The following DGKG variants were observed in gnomAD, a reference collection of about 807,000 sequenced individuals.
DGKG encodes the protein diacylglycerol kinase gamma, also known as DAG kinase gamma.
DGKG carries 78 observed loss-of-function variants against 105.3 expected under a neutral mutation model. The ratio of observed to expected loss-of-function variants is 0.74; its 90% confidence interval spans 0.62 to 0.89. The LOEUF (loss-of-function observed/expected upper bound fraction) is 0.89. DGKG is among the 40% of genes least tolerant of loss of function. DGKG has a pLI of 0.00. For synonymous variants in DGKG, 346 were observed against 367.1 expected (o/e 0.94, Z 0.66); for missense variants, 958 against 1,020.1 (o/e 0.94, Z 0.83).
chr3:186,239,608 C>CA (rs1720578391), intron 20 of DGKG, among the ~76,000 whole-genome samples: 2 of 152,362 alleles, frequency 1.3e-5, no homozygotes, highest in Admixed American at 6.5e-5. Context: ...AGGGTAGAAG[C>CA]AGTATGTATG....
At chr3:186,305,176 G>C (rs1024107213) in intron 3 of DGKG, among the ~76,000 whole-genome samples, 1 of 152,206 alleles carries the variant, frequency 6.6e-6, no homozygotes, top group Non-Finnish European at 1.5e-5. Context: ...CAGGTGGTGA[G>C]AAGTACTTAG....
At chr3:186,264,096 A>G (rs892261908) in intron 14 of DGKG, among the ~76,000 whole-genome samples, 1 of 152,292 alleles carries the variant, frequency 6.6e-6, no homozygotes, top group South Asian at 2.1e-4. Flanking sequence ...ATCAGAACAG[A>G]TGCAAGACAA....
chr3:186,199,507 A>G (rs1718345698), intron 21 of DGKG, among the ~76,000 whole-genome samples: 1 of 152,018 alleles, frequency 6.6e-6, no homozygotes, highest in Non-Finnish European at 1.5e-5. Context: ...CAATGTCAGT[A>G]TTTGTATTCC....
intron 21 of DGKG, among the ~76,000 whole-genome samples, chr3:186,190,657 C>G (rs970911932): frequency 7.2e-5 from 11 of 152,164 alleles, no homozygotes; most frequent in African/African-American, 2.7e-4. Flanking sequence ...CATTCTGAAC[C>G]TGTGTAGATT....
chr3:186,280,560 AGAT>A, intron 8 of DGKG, 107 bp downstream of exon 8: 1 of 790,084 alleles, frequency 1.3e-6, no homozygotes, highest in Non-Finnish European at 2.1e-6. Context: ...GCCTATAAGA[AGAT>A]GAGTCTGGGA....
intron 11 of DGKG, 29 bp downstream of exon 11, chr3:186,272,226 A>G (rs774976247): frequency 4.6e-6 from 7 of 1,536,606 alleles, no homozygotes; most frequent in Non-Finnish European, 6.3e-6. Context: ...TGAGGCATGC[A>G]GTAGAACAAG....
At chr3:186,168,732 C>T (rs1716676330) in intron 22 of DGKG, among the ~76,000 whole-genome samples, 1 of 152,114 alleles carries the variant, frequency 6.6e-6, no homozygotes, top group Non-Finnish European at 1.5e-5. Flanking sequence ...TGCCTGTAAT[C>T]CCAGCTATTT....
intron 24 of DGKG, among the ~76,000 whole-genome samples, chr3:186,154,604 C>T (rs1578596518): frequency 7.3e-6 from 1 of 136,734 alleles, no homozygotes; most frequent in East Asian, 2.2e-4. Flanking sequence ...GAGATCGTGC[C>T]ATTGCACTCC....
rs1293647560 is a variant in DGKG, at chr3:186,149,932, C to T, written c.*158G>A. On this transcript the variant is annotated 3_prime_UTR_variant, in exon 25 of 25. Transcript: ENST00000265022. ...TGAAACAGAATGTATGGCAAGGTGA[C>T]GTTTTCTTCCCGAAGGGTGGCTTTG... is the stretch of plus-strand genomic sequence containing the variant. The T allele has an allele frequency of 1.2e-5, 17 of 1,421,714 alleles. No individual in the cohort carries two copies. The highest frequency in any genetic ancestry group is 2.1e-4 in the Middle Eastern group (1 of 4,834). 88.1% of individuals were successfully genotyped at this position (1,421,714 alleles called of 1,614,324 possible).
intron 16 of DGKG, among the ~76,000 whole-genome samples, chr3:186,258,386 C>T (rs2108570159): frequency 6.6e-6 from 1 of 152,204 alleles, no homozygotes; most frequent in South Asian, 2.1e-4. Flanking sequence ...GGAGTGATGC[C>T]CTTCTCTTCT....
intron 1 of DGKG, among the ~76,000 whole-genome samples, chr3:186,338,185 A>AAG (rs1560162372): frequency 1.3e-5 from 2 of 151,366 alleles, no homozygotes; most frequent in African/African-American, 4.9e-5. Flanking sequence ...AAAAAAAAAA[A>AAG]AAAGAAAGAA....
intron 9 of DGKG, among the ~76,000 whole-genome samples, chr3:186,277,202 T>C (rs1156341672): frequency 3.3e-5 from 5 of 152,384 alleles, no homozygotes; most frequent in South Asian, 2.1e-4. Context: ...AAGAATTAAA[T>C]GACATCATGT....
intron 2 of DGKG, among the ~76,000 whole-genome samples, chr3:186,318,253 C>T (rs540181286): frequency 7.9e-5 from 12 of 152,294 alleles, no homozygotes; most frequent in Non-Finnish European, 1.6e-4. Flanking sequence ...ATGTCCTCCT[C>T]ATTTTCTGTG....
At chr3:186,223,679 C>G (rs963346771) in intron 20 of DGKG, among the ~76,000 whole-genome samples, 1 of 152,138 alleles carries the variant, frequency 6.6e-6, no homozygotes, top group Non-Finnish European at 1.5e-5. Context: ...TGCGGTAGAC[C>G]CTGCCAGCAA....
intron 7 of DGKG, among the ~76,000 whole-genome samples, chr3:186,281,774 A>C (rs1398501452): frequency 6.6e-6 from 1 of 152,212 alleles, no homozygotes; most frequent in Non-Finnish European, 1.5e-5. Context: ...TCCAAGATTT[A>C]AAGAGAAAAC....
chr3:186,150,318 TGAACGG>T, intron 24 of DGKG, 130 bp from the exon 25 acceptor site: 1 of 1,246,214 alleles, frequency 8.0e-7, no homozygotes, highest in Non-Finnish European at 1.1e-6. Context: ...CAACTGTCCT[TGAACGG>T]CTTCAAAATT....
intron 24 of DGKG, among the ~76,000 whole-genome samples, chr3:186,153,192 C>A (rs1306930970): frequency 6.6e-6 from 1 of 152,026 alleles, no homozygotes; most frequent in Non-Finnish European, 1.5e-5. Context: ...GATTCTATTA[C>A]TATAGAACCG....
chr3:186,306,717 A>T, intron 3 of DGKG, 184 bp downstream of exon 3: 1 of 581,482 alleles, frequency 1.7e-6, no homozygotes, highest in Non-Finnish European at 3.1e-6. Context: ...GGACAGTGGA[A>T]TGAGTGTATG....
rs372718536 is a variant in DGKG at position 186,284,842 on chromosome 3, C to T, written c.545-133G>A. The T allele has an allele frequency of 4.0e-4, 283 of 711,968 alleles. 3 individuals carry two copies. In the Middle Eastern group the frequency reaches 0.015, roughly 38 times the overall value. The allele number at this position is 711,968 out of a possible 1,614,324, so 44.1% of individuals were successfully genotyped here. ...AGGTTATGGCAGCCAGCTCTCCCTC[C>T]CTCTGAGCACAGAGTCTGACTTCCT... On this transcript the variant is annotated intron_variant, in intron 6 of 24. Coordinates refer to ENST00000265022, the MANE Select transcript of DGKG (RefSeq NM_001346.3). The surrounding 1 kb of genome is among the most constrained non-coding windows in gnomAD (Gnocchi z 4.0).
Sources: allele counts gnomAD v4.1 joint callset (sites outside exome capture counted in the v4.1 genomes callset), GRCh38; gene constraint gnomAD v4.1.1; non-coding constraint Gnocchi (gnomAD v3.1); transcripts MANE v1.5; gene names NCBI Gene and HGNC (gene_info 2026-07-23, HGNC 2026-07-21).